Variants in FANCB observed in about 807,000 individuals in gnomAD.
FANCB encodes the protein FA complementation group B.
A neutral mutation model predicts 38.9 loss-of-function variants in FANCB; 5 were observed. The observed-to-expected ratio is 0.13, with a 90% CI of 0.07 to 0.27. The LOEUF (loss-of-function observed/expected upper bound fraction) is 0.27, where lower values mean the gene tolerates loss of function less well. Ranked by LOEUF, FANCB falls within the 10% of genes least tolerant of loss-of-function variation. FANCB has a pLI of 1.00. For synonymous variants in FANCB, 236 were observed against 215.4 expected, an observed-to-expected ratio of 1.10 and a Z score of -0.84; for missense variants, 573 against 602.7, an observed-to-expected ratio of 0.95 and a Z score of 0.52.
the FANCB span, among the ~76,000 whole-genome samples, chrX:14,803,379 T>G: frequency 8.9e-6 from 1 of 112,418 alleles, no homozygotes; most frequent in African/African-American, 3.2e-5. Flanking sequence ...TCAAGACCTG[T>G]ATGTTGATTA....
the FANCB span, among the ~76,000 whole-genome samples, chrX:14,814,331 T>G: frequency 4.5e-5 from 5 of 111,933 alleles, no homozygotes; most frequent in South Asian, 1.8e-3. Context: ...AAATGGGATC[T>G]AATTAAACTA....
At chrX:14,871,963 G>A (rs1303639790) in intron 1 of FANCB, among the ~76,000 whole-genome samples, 2 of 110,724 alleles carry the variant, frequency 1.8e-5, no homozygotes, top group Non-Finnish European at 3.8e-5. Flanking sequence ...GAGGCAAGGA[G>A]TTTCAGGATC....
the FANCB span, among the ~76,000 whole-genome samples, chrX:14,818,369 C>A: frequency 3.0e-5 from 3 of 98,732 alleles, no homozygotes; most frequent in Non-Finnish European, 4.0e-5. Context: ...CATATGTAGG[C>A]CTTATTAAAA....
chrX:14,832,782 TGTGGGGG>T (rs753464964), downstream of FANCB, among the ~76,000 whole-genome samples: 1 of 112,043 alleles, frequency 8.9e-6, no homozygotes, highest in East Asian at 2.8e-4. Context: ...TTCCATAACA[TGTGGGGG>T]GCCAACTTTA....
At chrX:14,842,072 A>G (rs1287729397), downstream of FANCB, among the ~76,000 whole-genome samples, 1 of 111,707 alleles carries the variant, frequency 9.0e-6, no homozygotes, top group Non-Finnish European at 1.9e-5. Context: ...CTTTCAGAAC[A>G]TGTCATGGGC....
intron 5 of FANCB, among the ~76,000 whole-genome samples, chrX:14,855,645 T>C (rs952344764): frequency 8.9e-6 from 1 of 112,457 alleles, no homozygotes; most frequent in African/African-American, 3.2e-5. Flanking sequence ...AGAGATGCTG[T>C]TTGGTTATTT....
At chrX:14,801,459 A>G in the FANCB span, among the ~76,000 whole-genome samples, 1 of 112,134 alleles carries the variant, frequency 8.9e-6, no homozygotes, top group East Asian at 2.8e-4. Context: ...GGATTCCTCA[A>G]ACTACAGGTC....
the FANCB span, among the ~76,000 whole-genome samples, chrX:14,796,591 A>G: frequency 1.0e-5 from 1 of 97,482 alleles, no homozygotes; most frequent in Non-Finnish European, 2.0e-5. Context: ...TATGTTACAT[A>G]TTATATATTA....
At chrX:14,825,131 A>G in the FANCB span, among the ~76,000 whole-genome samples, 1 of 112,188 alleles carries the variant, frequency 8.9e-6, no homozygotes, top group Non-Finnish European at 1.9e-5. Context: ...CAACCACTTT[A>G]AGATCTTCTC....
the FANCB span, among the ~76,000 whole-genome samples, chrX:14,725,500 C>G: frequency 9.0e-6 from 1 of 111,661 alleles, no homozygotes; most frequent in Non-Finnish European, 1.9e-5. Context: ...AAAGGAGGCT[C>G]AGTCCAATAA....
chrX:14,698,682 A>C, the FANCB span, among the ~76,000 whole-genome samples: 1 of 48,071 alleles, frequency 2.1e-5, no homozygotes, highest in Non-Finnish European at 4.0e-5. Context: ...TATCTATCTC[A>C]AAAAAAAAAA....
chrX:14,713,534 T>C, the FANCB span, among the ~76,000 whole-genome samples: 20 of 112,348 alleles, frequency 1.8e-4, no homozygotes, highest in African/African-American at 6.5e-4. Flanking sequence ...TTCTGCTTGA[T>C]AGATTTTGAA....
chrX:14,738,923 C>T, the FANCB span, among the ~76,000 whole-genome samples: 2 of 111,991 alleles, frequency 1.8e-5, no homozygotes, highest in Admixed American at 1.9e-4. Flanking sequence ...AAGGTTCTAA[C>T]CAAAACACGG....
At chrX:14,769,438 T>C in the FANCB span, among the ~76,000 whole-genome samples, 2 of 112,272 alleles carry the variant, frequency 1.8e-5, no homozygotes, top group Non-Finnish European at 3.8e-5. Flanking sequence ...TTCTAGTTTA[T>C]GTGCATAAAG....
At chrX:14,724,038 A>G in the FANCB span, among the ~76,000 whole-genome samples, 1,586 of 111,323 alleles carry the variant, frequency 0.014, 26 homozygotes, top group African/African-American at 0.042. Flanking sequence ...CAACCACTCA[A>G]TCTAAAACAC....
At chrX:14,808,872 G>C in the FANCB span, among the ~76,000 whole-genome samples, 1 of 112,215 alleles carries the variant, frequency 8.9e-6, no homozygotes, top group African/African-American at 3.2e-5. Flanking sequence ...AAAGTAGCAG[G>C]ATACAAAATC....
chrX:14,816,973 A>C, the FANCB span, among the ~76,000 whole-genome samples: 1 of 111,992 alleles, frequency 8.9e-6, no homozygotes, highest in Non-Finnish European at 1.9e-5. Context: ...GACACTACCT[A>C]CTATTTTCTC....
chrX:14,723,095 A>C, the FANCB span, among the ~76,000 whole-genome samples: 1 of 112,300 alleles, frequency 8.9e-6, no homozygotes, highest in African/African-American at 3.2e-5. Flanking sequence ...AACCAAGTGT[A>C]TGCCTCCAGC....
downstream of FANCB, among the ~76,000 whole-genome samples, chrX:14,833,331 CCAAAA>C (rs1027681279): frequency 9.0e-6 from 1 of 111,515 alleles, no homozygotes; most frequent in East Asian, 2.8e-4. Context: ...TGAATTTTCC[CCAAAA>C]CAAAAGCCCT....
Sources: gnomAD v4.1 joint callset for allele counts (sites outside exome capture counted in the v4.1 genomes callset) on GRCh38, gnomAD v4.1.1 for gene constraint, MANE v1.5 for transcripts, NCBI Gene and HGNC (gene_info 2026-07-23, HGNC 2026-07-21) for gene names.